CDC42BPA: variants seen among roughly 807,000 people sequenced by gnomAD.
The protein encoded by CDC42BPA is serine/threonine-protein kinase MRCK alpha.
CDC42BPA carries 80 observed loss-of-function variants against 223.5 expected under a neutral mutation model. That is an observed-to-expected ratio of 0.36 (90% CI 0.30 to 0.43). The LOEUF is 0.43. Among genes scored for constraint, CDC42BPA ranks in the 20% least tolerant of loss-of-function variants. CDC42BPA has a pLI of 1.00. For missense variants in CDC42BPA, 1,743 were observed against 2,099.9 expected (o/e 0.83, Z 3.32); for synonymous variants, 694 against 718.6 (o/e 0.97, Z 0.55).
rs758043675 is a variant in CDC42BPA, at chr1:227,101,041, T to C, written c.2200A>G (p.Lys734Glu). ...TTGTCTTTTAAAATCATAATTTCTTTGTTGAGAGCAAGTTGCTGACCTTCT... is the reference window on the plus strand; with the variant it reads ...TTGTCTTTTAAAATCATAATTTCTTCGTTGAGAGCAAGTTGCTGACCTTCT... ...DSEGQQLALN[K>E]EIMILKDKLE... The change falls in exon 15 of 37, where the codon AAA (lysine) becomes GAA (glutamate). Residue 734 changes from lysine (K) to glutamate (E), a missense_variant. Lys to Glu is a moderately conservative substitution (Grantham distance 56). Transcript: ENST00000366766. 1 of 1,555,002 alleles carries C rather than the reference T, an allele frequency of 6.4e-7. No homozygotes were observed. The highest frequency in any genetic ancestry group is 2.2e-5 in the East Asian group (1 of 44,466).
chr1:227,171,476 T>C (rs891815264), intron 5 of CDC42BPA, among the ~76,000 whole-genome samples: 1 of 152,112 alleles, frequency 6.6e-6, no homozygotes. Flanking sequence ...CCAAGAATAG[T>C]GGTCCACGCC....
intron 5 of CDC42BPA, among the ~76,000 whole-genome samples, chr1:227,175,315 C>A (rs1666761792): frequency 6.6e-6 from 1 of 152,044 alleles, no homozygotes; most frequent in African/African-American, 2.4e-5. Context: ...GCCCTTGAAA[C>A]CACAAGGCTG....
rs992145066 is a variant in CDC42BPA, at chr1:227,258,786, T to C, written c.179-4631A>G. Among the ~76,000 whole-genome samples the C allele has an allele frequency of 6.0e-5, 9 of 151,134 alleles. 2 individuals are homozygous for C. Among genetic ancestry groups the C allele is most frequent in the African/African-American group, 2.2e-4 (9 of 40,424 alleles). ...AAAGTGCTTTTATACAAAGATATGT[T>C]CTTAAAAATTATATCCACCAAAAAG... is the stretch of plus-strand genomic sequence containing the variant. On this transcript the variant is annotated intron_variant, in intron 1 of 36. Transcript: ENST00000366766.
In CDC42BPA at chr1:227,293,303, G is replaced by A. The variant is rs528963982; in HGVS notation, c.178+23702C>T. ...TAAATGCCAGAAAATAGTGACTATG[G>A]CATATTCTTAATCACCTTTTAACAC... On this transcript the variant is annotated intron_variant, in intron 1 of 36. Coordinates refer to ENST00000366766, the MANE Select transcript of CDC42BPA (RefSeq NM_001394014.1). Among the ~76,000 whole-genome samples, 240 of 152,050 alleles carry A rather than the reference G, an allele frequency of 1.6e-3. 2 individuals carry two copies. Among genetic ancestry groups the A allele is most frequent in the African/African-American group, 5.5e-3 (230 of 41,452 alleles).
In CDC42BPA at chr1:227,169,045, C is replaced by T. The variant is rs1665648843; in HGVS notation, c.600-8409G>A. Among the ~76,000 whole-genome samples, 3 of 152,150 alleles carry T rather than the reference C, an allele frequency of 2.0e-5. No individual in the cohort carries two copies. In the South Asian group the frequency reaches 6.2e-4, roughly 32 times the overall value. On this transcript the variant is annotated intron_variant, in intron 5 of 36. Coordinates refer to ENST00000366766, the MANE Select transcript of CDC42BPA (RefSeq NM_001394014.1). ...ACTTCAAGTCTTTACTTTGTCATCT[C>T]CACTAGGCTGTTAATTTTTTGCAGT...
At chr1:227,224,543 G>T (rs1676516425) in intron 2 of CDC42BPA, among the ~76,000 whole-genome samples, 1 of 152,016 alleles carries the variant, frequency 6.6e-6, no homozygotes, top group East Asian at 1.9e-4. Flanking sequence ...GACCTTTCAA[G>T]CCTCATCTTT....
At chr1:227,194,738 T>A (rs1281114478) in intron 4 of CDC42BPA, among the ~76,000 whole-genome samples, 1 of 152,192 alleles carries the variant, frequency 6.6e-6, no homozygotes, top group African/African-American at 2.4e-5. Context: ...ATATATTATT[T>A]TTAAGTGAGG....
chr1:227,080,771 T>C (rs1680467002), intron 17 of CDC42BPA, 122 bp downstream of exon 17: 11 of 1,109,958 alleles, frequency 9.9e-6, no homozygotes, highest in Non-Finnish European at 1.5e-5. Flanking sequence ...CTTTTCAGAG[T>C]AACTTATTTA....
At chr1:227,048,950 A>G (rs1673014676) in intron 22 of CDC42BPA, among the ~76,000 whole-genome samples, 1 of 151,912 alleles carries the variant, frequency 6.6e-6, no homozygotes, top group Non-Finnish European at 1.5e-5. Context: ...CTTTGTTACC[A>G]TACAACCTCC....
intron 1 of CDC42BPA, among the ~76,000 whole-genome samples, chr1:227,307,476 T>A (rs1272542428): frequency 6.6e-6 from 1 of 151,912 alleles, no homozygotes; most frequent in African/African-American, 2.4e-5. Flanking sequence ...TCATAAGGAG[T>A]TCCAATGTTA....
At chr1:227,275,862 C>T (rs1403200513) in intron 1 of CDC42BPA, among the ~76,000 whole-genome samples, 1 of 151,802 alleles carries the variant, frequency 6.6e-6, no homozygotes, top group African/African-American at 2.4e-5. Context: ...CCTGGGCCTC[C>T]CGAGGTGCCG....
intron 9 of CDC42BPA, among the ~76,000 whole-genome samples, chr1:227,141,459 T>C (rs1659647749): frequency 6.6e-6 from 1 of 152,100 alleles, no homozygotes; most frequent in Admixed American, 6.5e-5. Flanking sequence ...CAGGAAGGGA[T>C]GGAAGATACT....
chr1:227,113,579 C>A (rs1282080018), intron 12 of CDC42BPA, among the ~76,000 whole-genome samples: 1 of 151,850 alleles, frequency 6.6e-6, no homozygotes, highest in Middle Eastern at 3.2e-3. Context: ...GTATTAAAAT[C>A]ATTAGATATC....
chr1:227,317,192 G>C lies in CDC42BPA; in HGVS notation c.-10C>G, dbSNP rs763749575. 4.4e-6 allele frequency: 7 copies of C among 1,591,846 alleles called. No homozygotes were observed. The South Asian group carries it at 4.6e-5, about 11-fold the overall frequency. ...GCACTTCTCCAGACATGTTTGCTTCGATTTCTGCTGGTTTTCCTTTAAATT... is the reference window on the plus strand; with the variant it reads ...GCACTTCTCCAGACATGTTTGCTTCCATTTCTGCTGGTTTTCCTTTAAATT... On this transcript the variant is annotated 5_prime_UTR_variant, in exon 1 of 37. The change creates a new upstream start codon in the 5' untranslated region. Coordinates refer to ENST00000366766, the MANE Select transcript of CDC42BPA (RefSeq NM_001394014.1).
At chr1:227,271,784 T>C (rs111717329) in intron 1 of CDC42BPA, among the ~76,000 whole-genome samples, 184 of 152,284 alleles carry the variant, frequency 1.2e-3, no homozygotes, top group African/African-American at 3.8e-3. Flanking sequence ...GTACTAGAAA[T>C]GGGAAACATT....
chr1:227,317,185 T>C lies in CDC42BPA; in HGVS notation c.-3A>G. ...CTCAAACGCACTTCTCCAGACATGTTTGCTTCGATTTCTGCTGGTTTTCCT... is the reference window on the plus strand; with the variant it reads ...CTCAAACGCACTTCTCCAGACATGTCTGCTTCGATTTCTGCTGGTTTTCCT... On this transcript the variant is annotated 5_prime_UTR_variant, in exon 1 of 37. Coordinates refer to ENST00000366766, the MANE Select transcript of CDC42BPA (RefSeq NM_001394014.1). The C allele has an allele frequency of 6.3e-7, 1 of 1,597,012 alleles. No homozygotes were observed. Among genetic ancestry groups the C allele is most frequent in the Non-Finnish European group, 8.5e-7 (1 of 1,172,860 alleles).
intron 2 of CDC42BPA, among the ~76,000 whole-genome samples, chr1:227,248,643 G>A (rs1681421847): frequency 6.6e-6 from 1 of 151,868 alleles, no homozygotes; most frequent in African/African-American, 2.4e-5. Context: ...TTATTTATTT[G>A]TCCCCTACAA....
intron 10 of CDC42BPA, among the ~76,000 whole-genome samples, chr1:227,135,001 C>T (rs1447175514): frequency 6.6e-6 from 1 of 152,102 alleles, no homozygotes; most frequent in African/African-American, 2.4e-5. Flanking sequence ...GTTCTCTTTG[C>T]TTTTTCAGTT....
intron 5 of CDC42BPA, among the ~76,000 whole-genome samples, chr1:227,189,348 AG>A (rs1490820766): frequency 3.3e-5 from 5 of 152,248 alleles, no homozygotes; most frequent in African/African-American, 1.2e-4. Context: ...AGACCTAGAC[AG>A]AAAAATGTAT....
Sources: allele counts gnomAD v4.1 joint callset (sites outside exome capture counted in the v4.1 genomes callset), GRCh38; gene constraint gnomAD v4.1.1; transcripts MANE v1.5; gene names NCBI Gene and HGNC (gene_info 2026-07-23, HGNC 2026-07-21).